The following ANO6 variants were observed in gnomAD, a reference collection of about 807,000 sequenced individuals.
The protein encoded by ANO6 is anoctamin-6.
In ANO6, 106 loss-of-function variants were observed where a neutral mutation model predicts 117.5. The ratio of observed to expected loss-of-function variants is 0.90; its 90% CI spans 0.77 to 1.06. The LOEUF (loss-of-function observed/expected upper bound fraction) is 1.06. Ranked by LOEUF, ANO6 falls within the 50% of genes least tolerant of loss-of-function variation. ANO6 has a pLI of 0.00. For missense variants in ANO6, 955 were observed against 1,121.1 expected, an observed-to-expected ratio of 0.85 and a Z score of 2.12; for synonymous variants, 367 against 385.1, an observed-to-expected ratio of 0.95 and a Z score of 0.55.
chr12:45,402,839 G>A (rs1310292482), intron 13 of ANO6, among the ~76,000 whole-genome samples: 1 of 152,142 alleles, frequency 6.6e-6, no homozygotes, highest in Non-Finnish European at 1.5e-5. Context: ...GTGGGGCAGG[G>A]GGGAACATGT....
At chr12:45,355,131 C>G (rs1361041412) in intron 7 of ANO6, among the ~76,000 whole-genome samples, 1 of 152,102 alleles carries the variant, frequency 6.6e-6, no homozygotes, top group Non-Finnish European at 1.5e-5. Flanking sequence ...CCTTCTAGAG[C>G]TATTAGACTA....
At chr12:45,324,713 C>G (rs570360050) in intron 2 of ANO6, among the ~76,000 whole-genome samples, 2 of 152,258 alleles carry the variant, frequency 1.3e-5, no homozygotes, top group East Asian at 3.9e-4. Flanking sequence ...ATGGGAGTGA[C>G]AGATTGTAAC....
intron 19 of ANO6, among the ~76,000 whole-genome samples, chr12:45,439,339 A>G (rs1205064300): frequency 6.6e-6 from 1 of 152,178 alleles, no homozygotes; most frequent in Non-Finnish European, 1.5e-5. Context: ...CTCAATCCCC[A>G]TATCAAAACA....
At chr12:45,234,307 A>G (rs1485110972) in intron 1 of ANO6, among the ~76,000 whole-genome samples, 1 of 152,180 alleles carries the variant, frequency 6.6e-6, no homozygotes, top group East Asian at 1.9e-4. Flanking sequence ...GATGAGTGTG[A>G]CACTGGTTCG....
intron 2 of ANO6, among the ~76,000 whole-genome samples, chr12:45,309,514 A>G (rs1939781196): frequency 6.6e-6 from 1 of 151,944 alleles, no homozygotes; most frequent in African/African-American, 2.4e-5. Flanking sequence ...CAGGTCTACA[A>G]ATTTTTACTT....
chr12:45,313,605 G>T (rs774236522), intron 2 of ANO6: 6 of 152,006 alleles, frequency 3.9e-5, no homozygotes, highest in Non-Finnish European at 8.8e-5. Flanking sequence ...ATCAGAGTGT[G>T]TTGGTATCAG....
At chr12:45,381,513 T>C (rs2137556117) in intron 10 of ANO6, among the ~76,000 whole-genome samples, 1 of 152,210 alleles carries the variant, frequency 6.6e-6, no homozygotes, top group East Asian at 1.9e-4. Context: ...GCATTGTGAG[T>C]CAGCACTGGC....
Position 45,388,169 on chromosome 12 carries a change from T to C in ANO6, c.1174T>C (p.Phe392Leu). ...TTCTGTCTCTCTGTTAGTTACCTTG[T>C]TTTTGGAGTTTTGGAAGCGACGCCA... ...AVFMGVWVTL[F>L]LEFWKRRQAE... Residue 392 changes from phenylalanine to leucine, a missense_variant, in exon 11 of 20, where the codon TTT becomes CTT. By Grantham distance (22) the Phe-to-Leu change is conservative (BLOSUM62 0). Coordinates refer to ENST00000320560, the MANE Select transcript of ANO6 (RefSeq NM_001025356.3). 5.6e-6 allele frequency: 9 copies of C among 1,613,802 alleles called. No individual in the cohort carries two copies. Among genetic ancestry groups the C allele is most frequent in the Non-Finnish European group, 7.6e-6 (9 of 1,179,748 alleles).
At chr12:45,325,336 T>C (rs912072034) in intron 2 of ANO6, among the ~76,000 whole-genome samples, 5 of 152,174 alleles carry the variant, frequency 3.3e-5, no homozygotes, top group African/African-American at 1.2e-4. Context: ...AAACTGGAAA[T>C]GCTCACAGGG....
intron 1 of ANO6, among the ~76,000 whole-genome samples, chr12:45,278,640 T>G (rs1321056054): frequency 6.6e-6 from 1 of 152,214 alleles, no homozygotes; most frequent in Admixed American, 6.5e-5. Context: ...TTTCTCAATC[T>G]CTGATGATGC....
At chr12:45,322,038 G>A (rs1346762984) in intron 2 of ANO6, among the ~76,000 whole-genome samples, 1 of 152,062 alleles carries the variant, frequency 6.6e-6, no homozygotes, top group Non-Finnish European at 1.5e-5. Flanking sequence ...CTAAGGTGCT[G>A]GCAGTTTTAC....
chr12:45,358,846 G>A (rs897013024), intron 8 of ANO6, among the ~76,000 whole-genome samples: 3 of 150,934 alleles, frequency 2.0e-5, no homozygotes, highest in African/African-American at 7.3e-5. Flanking sequence ...GTGCAGTGGC[G>A]CCATCTCAGT....
intron 2 of ANO6, among the ~76,000 whole-genome samples, chr12:45,313,816 T>A (rs1257875506): frequency 6.6e-6 from 1 of 152,138 alleles, no homozygotes; most frequent in Non-Finnish European, 1.5e-5. Context: ...GCTAATGTAA[T>A]TTTCAATGAA....
chr12:45,294,981 C>T (rs1350729260), intron 1 of ANO6, among the ~76,000 whole-genome samples: 1 of 152,140 alleles, frequency 6.6e-6, no homozygotes, highest in Non-Finnish European at 1.5e-5. Context: ...ATATATATGT[C>T]AGCTTATTCT....
intron 1 of ANO6, among the ~76,000 whole-genome samples, chr12:45,277,643 G>T (rs1434709239): frequency 6.6e-6 from 1 of 151,968 alleles, no homozygotes; most frequent in Non-Finnish European, 1.5e-5. Flanking sequence ...TTTTAAACTT[G>T]CGGGTCTGAC....
At chr12:45,367,846 T>C in intron 9 of ANO6, 53 bp downstream of exon 9, 1 of 1,310,292 alleles carries the variant, frequency 7.6e-7, no homozygotes, top group Non-Finnish European at 1.1e-6. Flanking sequence ...TTTTTTCTAA[T>C]GCTAATTTAG....
chr12:45,391,638 C>T (rs1364108802), intron 12 of ANO6, among the ~76,000 whole-genome samples: 1 of 152,078 alleles, frequency 6.6e-6, no homozygotes, highest in African/African-American at 2.4e-5. Context: ...GAGGCCAAGG[C>T]AGCAGATCAC....
chr12:45,301,968 A>C (rs1335699460), intron 1 of ANO6, 46 bp from the exon 2 acceptor site: 3 of 1,506,768 alleles, frequency 2.0e-6, no homozygotes, highest in Non-Finnish European at 2.8e-6. Flanking sequence ...TACGTGAGCC[A>C]GTGCAGGTTC....
chr12:45,296,683 C>G (rs1592930822), intron 1 of ANO6, among the ~76,000 whole-genome samples: 1 of 152,214 alleles, frequency 6.6e-6, no homozygotes, highest in Non-Finnish European at 1.5e-5. Flanking sequence ...CACAGCAGCT[C>G]AGGAGACAAA....
Sources: allele counts gnomAD v4.1 joint callset (sites outside exome capture counted in the v4.1 genomes callset), GRCh38; gene constraint gnomAD v4.1.1; transcripts MANE v1.5; gene names NCBI Gene and HGNC (gene_info 2026-07-23, HGNC 2026-07-21).